TMEM94: variants seen among roughly 807,000 people sequenced by gnomAD.
TMEM94 encodes the protein transmembrane protein 94, also known as ER Mg2+ ATPase.
In TMEM94, 81 loss-of-function variants were observed where a neutral mutation model predicts 158.6. The observed-to-expected ratio is 0.51, with a 90% CI of 0.43 to 0.61. The LOEUF (loss-of-function observed/expected upper bound fraction) is 0.61. TMEM94 is among the 20% of genes least tolerant of loss of function. The pLI, the probability that TMEM94 is intolerant of heterozygous loss-of-function variation, is 0.00. For synonymous variants in TMEM94, 751 were observed against 730.7 expected (o/e 1.03, Z -0.45); for missense variants, 1,435 against 1,762.0 (o/e 0.81, Z 3.32).
chr17:75,471,948 C>A lies in TMEM94; in HGVS notation c.24+19C>A. On this transcript the variant is annotated intron_variant, in intron 2 of 31. Transcript: ENST00000314256. ...GCACCTGGTAGGCCATATCCTATTA[C>A]CTTATAGGTATTGTCTGTGTGTCTC... 1 of 1,610,580 alleles carries A rather than the reference C, an allele frequency of 6.2e-7. No individual in the cohort carries two copies. Among genetic ancestry groups the A allele is most frequent in the Non-Finnish European group, 8.5e-7 (1 of 1,176,860 alleles).
Position 75,496,845 on chromosome 17 carries a change from C to T in TMEM94, c.3321+38C>T, listed in dbSNP as rs374163840. The stretch of plus-strand genomic sequence containing the variant: ...CCGCACAGGCATTGCCCCCGTGCCA[C>T]TCACCCCTTCACTCAGGGGCCAGCT... On this transcript the variant is annotated intron_variant, in intron 25 of 31. Coordinates refer to ENST00000314256, the MANE Select transcript of TMEM94 (RefSeq NM_014738.6). 11 of 1,586,662 alleles carry T rather than the reference C, an allele frequency of 6.9e-6. No homozygotes were observed. In the African/African-American group the frequency reaches 1.3e-4, roughly 19 times the overall value.
At position 75,490,688 on chromosome 17, in the gene TMEM94, C is replaced by T. The variant is rs746455559; in HGVS notation, c.1072-14C>T. 2.4e-5 allele frequency: 38 copies of T among 1,613,604 alleles called. No homozygotes were observed. The East Asian group carries it at 7.6e-4, about 32-fold the overall frequency. ...CGTTTTCCTCACTGAGGACCTCACC[C>T]TCTCTCCGTGCAGCTGGCTAAGTTC... On this transcript the variant is annotated splice_polypyrimidine_tract_variant and intron_variant, in intron 10 of 31. Transcript: ENST00000314256.
chr17:75,496,129 A>G, intron 23 of TMEM94, 55 bp downstream of exon 23: 6 of 1,528,762 alleles, frequency 3.9e-6, no homozygotes, highest in Non-Finnish European at 5.4e-6. Context: ...AGACCGGAGG[A>G]TCAGATGGGC....
At position 75,495,272 on chromosome 17, in the gene TMEM94, T is replaced by C. The variant is rs2052572704; in HGVS notation, c.2729-12T>C. The C allele has an allele frequency of 1.3e-6, 2 of 1,584,604 alleles. No homozygotes were observed. The highest frequency in any genetic ancestry group is 2.3e-5 in the South Asian group (2 of 88,820). On this transcript the variant is annotated splice_polypyrimidine_tract_variant and intron_variant, in intron 20 of 31. Coordinates refer to ENST00000314256, the MANE Select transcript of TMEM94 (RefSeq NM_014738.6). This position sits in a 1 kb window ranked among gnomAD's most constrained non-coding sequence, Gnocchi z 5.6. The stretch of plus-strand genomic sequence containing the variant: ...TGGTCCCAAGGTGAGGGAGAGGCTT[T>C]TGTCCCCACAGTGTCCCGAGATGAT...
In TMEM94 at chr17:75,494,981, T is replaced by TC. The variant is rs747222326; in HGVS notation, c.2682dup (p.Ser895LeufsTer11). 3.8e-6 allele frequency: 6 copies of TC among 1,579,078 alleles called. No individual in the cohort carries two copies. Among genetic ancestry groups the TC allele is most frequent in the Non-Finnish European group, 1.7e-6 (2 of 1,160,618 alleles). ...AATGGTGACATGCCTGGCTCCGAGA[T>TC]CCCCCCCTCCAGCCCCAGCCACGCA... On this transcript the variant is annotated frameshift_variant, in exon 20 of 32. Transcript: ENST00000314256. LOFTEE classifies it high-confidence loss of function.
In TMEM94 at chr17:75,486,496, C is replaced by T. The variant is rs567856611; in HGVS notation, c.409+70C>T. The T allele has an allele frequency of 3.1e-6, 5 of 1,591,418 alleles. No individual in the cohort carries two copies. The South Asian group carries it at 5.6e-5, about 18-fold the overall frequency. On this transcript the variant is annotated intron_variant, in intron 5 of 31. Transcript: ENST00000314256. ...ATATCAGAGCCCTGAGGGCTCCCCT[C>T]CTGCACCCCAGCACAGACGGGTTGC... is the stretch of plus-strand genomic sequence containing the variant.
intron 2 of TMEM94, among the ~76,000 whole-genome samples, chr17:75,482,780 TATTC>T (rs1026415010): frequency 5.9e-5 from 9 of 151,564 alleles, no homozygotes; most frequent in Admixed American, 4.6e-4. Context: ...TTCATTCATT[TATTC>T]ATTCATTCAT....
At position 75,493,732 on chromosome 17, in the gene TMEM94, C is replaced by T. The variant is rs148832482; in HGVS notation, c.2223C>T (p.Cys741=). Residue 741 remains cysteine, a synonymous_variant, in exon 18 of 32, where the codon TGC becomes TGT. Coordinates refer to ENST00000314256, the MANE Select transcript of TMEM94 (RefSeq NM_014738.6). ...KKVLDFYQRA[C]LSGYCSAFAY... is the part of the protein sequence containing the mutation. Reference sequence around the variant, plus strand: ...TGCTGGACTTCTACCAGCGAGCCTGCCTGTCTGGGTATTGCTCTGCCTTCG... The same window carrying T: ...TGCTGGACTTCTACCAGCGAGCCTGTCTGTCTGGGTATTGCTCTGCCTTCG... The T allele has an allele frequency of 8.8e-4, 1,414 of 1,614,122 alleles. 5 individuals carry two copies. In the Middle Eastern group the frequency reaches 0.026, roughly 30 times the overall value.
At position 75,493,108 on chromosome 17, in the gene TMEM94, C is replaced by T. The variant is rs755735550; in HGVS notation, c.2086+6C>T. On this transcript the variant is annotated splice_donor_region_variant and intron_variant, in intron 16 of 31. Transcript: ENST00000314256. ...CATTAAAGACACCACCACCAGTGAGCCCTGGCTACGTTGGCCAGCACCAGG... is the reference window on the plus strand; with the variant it reads ...CATTAAAGACACCACCACCAGTGAGTCCTGGCTACGTTGGCCAGCACCAGG... 4 of 1,611,912 alleles carry T rather than the reference C, an allele frequency of 2.5e-6. No individual in the cohort carries two copies. In the Admixed American group the frequency reaches 6.7e-5, roughly 27 times the overall value.
intron 2 of TMEM94, among the ~76,000 whole-genome samples, chr17:75,480,295 G>A (rs907511633): frequency 1.3e-5 from 2 of 152,218 alleles, no homozygotes; most frequent in African/African-American, 4.8e-5. Flanking sequence ...TGGGCAGCAC[G>A]TAATTACAGA....
At chr17:75,493,359 G>T in intron 16 of TMEM94, 132 bp from the exon 17 acceptor site, 1 of 942,430 alleles carries the variant, frequency 1.1e-6, no homozygotes, top group Non-Finnish European at 1.6e-6. Flanking sequence ...CTTGCTGTCC[G>T]TGAGTCCCAG....
chr17:75,457,108 A>C (rs564740903), intron 1 of TMEM94, among the ~76,000 whole-genome samples: 1 of 152,212 alleles, frequency 6.6e-6, no homozygotes, highest in Non-Finnish European at 1.5e-5. Flanking sequence ...ATTTATTTCG[A>C]GGCCCCTGGG....
chr17:75,493,747 C>T lies in TMEM94; in HGVS notation c.2238C>T (p.Cys746=), dbSNP rs769206806. ...FYQRACLSGY[C]SAFAYKPMNC... is the part of the protein sequence containing the mutation. ...AGCGAGCCTGCCTGTCTGGGTATTGCTCTGCCTTCGCCTACAAGCCCATGA... is the reference window on the plus strand; with the variant it reads ...AGCGAGCCTGCCTGTCTGGGTATTGTTCTGCCTTCGCCTACAAGCCCATGA... The change falls in exon 18 of 32, where the codon TGC becomes TGT. Residue 746 remains cysteine (C), a synonymous_variant. Coordinates refer to ENST00000314256, the MANE Select transcript of TMEM94 (RefSeq NM_014738.6). 7 of 1,614,128 alleles carry T rather than the reference C, an allele frequency of 4.3e-6. No homozygotes were observed. The South Asian group carries it at 6.6e-5, about 15-fold the overall frequency.
At chr17:75,496,944 G>A (rs1223590029) in intron 25 of TMEM94, 137 bp downstream of exon 25, 15 of 1,078,980 alleles carry the variant, frequency 1.4e-5, no homozygotes, top group Admixed American at 1.4e-4. Flanking sequence ...GAAGCCCCTG[G>A]GCTTTTTGAG....
intron 25 of TMEM94, 123 bp from the exon 26 acceptor site, chr17:75,496,990 C>G: frequency 9.6e-7 from 1 of 1,045,100 alleles, no homozygotes; most frequent in South Asian, 1.3e-5. Flanking sequence ...TCCCTCCGGC[C>G]CCTGTTCCCT....
At chr17:75,472,673 C>T (rs2050542857) in intron 2 of TMEM94, among the ~76,000 whole-genome samples, 1 of 152,234 alleles carries the variant, frequency 6.6e-6, no homozygotes, top group South Asian at 2.1e-4. Flanking sequence ...TCATCAGCCT[C>T]CACATGGCTG....
chr17:75,472,047 A>C, intron 2 of TMEM94, 118 bp downstream of exon 2: 1 of 995,352 alleles, frequency 1.0e-6, no homozygotes, highest in Non-Finnish European at 1.6e-6. Context: ...TTGAGAGAGG[A>C]GGCAAGGCTC....
intron 1 of TMEM94, among the ~76,000 whole-genome samples, chr17:75,471,467 T>C (rs565890160): frequency 1.3e-5 from 2 of 152,092 alleles, no homozygotes; most frequent in African/African-American, 4.8e-5. Flanking sequence ...GTTTAGATGA[T>C]ACTATTATGT....
At chr17:75,476,412 T>C (rs2050693274) in intron 2 of TMEM94, 1 of 945,706 alleles carries the variant, frequency 1.1e-6, no homozygotes, top group Non-Finnish European at 1.5e-6. Context: ...CCTCCTTCTC[T>C]TTCCTCTTCT....
Sources: gnomAD v4.1 joint callset for allele counts (sites outside exome capture counted in the v4.1 genomes callset) on GRCh38, gnomAD v4.1.1 for gene constraint, Gnocchi (gnomAD v3.1) non-coding constraint, MANE v1.5 for transcripts, NCBI Gene and HGNC (gene_info 2026-07-23, HGNC 2026-07-21) for gene names.